The following MYO16 variants were observed in gnomAD, a reference collection of about 807,000 sequenced individuals.
The protein encoded by MYO16 is unconventional myosin-XVI.
In MYO16, 94 loss-of-function variants were observed where a neutral mutation model predicts 205.3. The observed-to-expected ratio is 0.46, with a 90% confidence interval of 0.39 to 0.54. The LOEUF (loss-of-function observed/expected upper bound fraction) is 0.54, where lower values mean the gene tolerates loss of function less well. Ranked by LOEUF, MYO16 falls within the 20% of genes least tolerant of loss-of-function variation. The probability of loss-of-function intolerance (pLI) is 0.00; values close to 1 mark genes in which losing one functional copy is unlikely to be tolerated. For synonymous variants in MYO16, 988 were observed against 954.0 expected (o/e 1.04, Z -0.66); for missense variants, 2,315 against 2,387.5 (o/e 0.97, Z 0.63).
chr13:108,942,176 T>G (rs1882759009), intron 16 of MYO16, among the ~76,000 whole-genome samples: 1 of 152,232 alleles, frequency 6.6e-6, no homozygotes, highest in African/African-American at 2.4e-5. Context: ...GATTAAAGAC[T>G]TGCTTTTTAA....
chr13:108,678,110 G>C (rs144881802), intron 2 of MYO16, among the ~76,000 whole-genome samples: 4 of 152,196 alleles, frequency 2.6e-5, no homozygotes, highest in African/African-American at 9.7e-5. Flanking sequence ...AGATGTAGAC[G>C]TGCCATTTAT....
At chr13:109,050,381 G>A (rs1002126848) in intron 24 of MYO16, among the ~76,000 whole-genome samples, 3 of 152,026 alleles carry the variant, frequency 2.0e-5, no homozygotes, top group African/African-American at 7.2e-5. Flanking sequence ...AAGAGGTAGT[G>A]GGGTATCCTT....
At chr13:108,677,338 T>TATATATATATATATATATGC (rs1882265379) in intron 2 of MYO16, among the ~76,000 whole-genome samples, 3 of 86,858 alleles carry the variant, frequency 3.5e-5, no homozygotes, top group African/African-American at 5.4e-5. Flanking sequence ...TGTGTGTGTA[T>TATATATATATATATATATGC]ATATATATAT....
At chr13:108,708,580 G>A (rs1184219973) in intron 2 of MYO16, among the ~76,000 whole-genome samples, 1 of 152,204 alleles carries the variant, frequency 6.6e-6, no homozygotes, top group Non-Finnish European at 1.5e-5. Context: ...TCTGGAAACT[G>A]TCTTCTGCAG....
At chr13:108,701,052 A>G (rs1883287688) in intron 2 of MYO16, among the ~76,000 whole-genome samples, 1 of 152,168 alleles carries the variant, frequency 6.6e-6, no homozygotes, top group Non-Finnish European at 1.5e-5. Flanking sequence ...ATTTAAGGAA[A>G]TATGTTTACT....
At chr13:108,891,596 T>G (rs918064124) in intron 14 of MYO16, among the ~76,000 whole-genome samples, 1 of 152,248 alleles carries the variant, frequency 6.6e-6, no homozygotes, top group African/African-American at 2.4e-5. Flanking sequence ...TACAATAGTA[T>G]AAAACTTTCT....
chr13:109,131,525 A>C (rs1216404924), intron 31 of MYO16, among the ~76,000 whole-genome samples: 1 of 152,106 alleles, frequency 6.6e-6, no homozygotes, highest in Non-Finnish European at 1.5e-5. Flanking sequence ...GCTAGAGACA[A>C]CTTTTTTTTT....
chr13:109,089,971 T>C (rs967699660), intron 27 of MYO16, among the ~76,000 whole-genome samples: 1 of 152,204 alleles, frequency 6.6e-6, no homozygotes, highest in Non-Finnish European at 1.5e-5. Flanking sequence ...AGGCAGCCCT[T>C]CCCTATGGTT....
the MYO16 span, among the ~76,000 whole-genome samples, chr13:108,552,425 A>T: frequency 1.3e-4 from 19 of 151,996 alleles, no homozygotes; most frequent in Admixed American, 1.1e-3. Flanking sequence ...TCTCCTTGGC[A>T]TGTCTTACAG....
At chr13:108,618,754 C>T (rs4771594) in intron 1 of MYO16, among the ~76,000 whole-genome samples, 104,904 of 152,064 alleles carry the variant, frequency 0.69, 38,093 homozygotes, top group Non-Finnish European at 0.8. Flanking sequence ...CTTAGTTTTA[C>T]ACCCTTAGAA....
intron 20 of MYO16, among the ~76,000 whole-genome samples, chr13:108,983,676 A>C (rs556533533): frequency 6.6e-6 from 1 of 152,160 alleles, no homozygotes; most frequent in Admixed American, 6.5e-5. Flanking sequence ...AGTGAAGATG[A>C]CCTCTCCCAG....
At chr13:108,896,794 C>A (rs1419263308) in intron 14 of MYO16, among the ~76,000 whole-genome samples, 1 of 152,064 alleles carries the variant, frequency 6.6e-6, no homozygotes, top group Non-Finnish European at 1.5e-5. Context: ...CATGGCGAAA[C>A]CCTGTCTCTA....
At chr13:108,871,320 C>G (rs930128373) in intron 12 of MYO16, among the ~76,000 whole-genome samples, 1 of 80,998 alleles carries the variant, frequency 1.2e-5, no homozygotes, top group African/African-American at 4.3e-5. Context: ...TACTATGTGA[C>G]TTTGTGTGTG....
At chr13:109,073,432 A>C (rs1261652783) in intron 27 of MYO16, among the ~76,000 whole-genome samples, 1 of 8,988 alleles carries the variant, frequency 1.1e-4, no homozygotes, top group Non-Finnish European at 2.2e-4. Context: ...TTTATATTCC[A>C]CAGGTGATCT....
intron 20 of MYO16, among the ~76,000 whole-genome samples, chr13:108,969,329 G>A (rs1403244224): frequency 6.6e-6 from 1 of 152,186 alleles, no homozygotes; most frequent in Non-Finnish European, 1.5e-5. Context: ...TTTAGCCTCT[G>A]CATCTCTGTG....
intron 29 of MYO16, among the ~76,000 whole-genome samples, chr13:109,124,480 A>G (rs1320826002): frequency 6.6e-6 from 1 of 152,148 alleles, no homozygotes; most frequent in Non-Finnish European, 1.5e-5. Flanking sequence ...GTCCCTTTAA[A>G]TGGTGGTCTT....
chr13:108,759,942 A>G (rs1011437517), intron 4 of MYO16, among the ~76,000 whole-genome samples: 1 of 152,182 alleles, frequency 6.6e-6, no homozygotes, highest in African/African-American at 2.4e-5. Context: ...TTATTGACAT[A>G]TAGTAGTTCT....
At chr13:108,869,730 CT>C (rs1353458742) in intron 12 of MYO16, among the ~76,000 whole-genome samples, 3 of 16,928 alleles carry the variant, frequency 1.8e-4, no homozygotes, top group South Asian at 1.6e-3. Context: ...GACTCCGTTT[CT>C]AAAAAAAAAA....
At chr13:108,884,891 A>G (rs889778803) in intron 13 of MYO16, among the ~76,000 whole-genome samples, 2 of 151,920 alleles carry the variant, frequency 1.3e-5, no homozygotes, top group Non-Finnish European at 2.9e-5. Context: ...CATCCATTCT[A>G]GACACAAGGA....
Sources: allele counts gnomAD v4.1 joint callset (sites outside exome capture counted in the v4.1 genomes callset), GRCh38; gene constraint gnomAD v4.1.1; transcripts MANE v1.5; gene names NCBI Gene and HGNC (gene_info 2026-07-23, HGNC 2026-07-21).